Variants in NCMAP observed in about 807,000 individuals in gnomAD.
NCMAP encodes noncompact myelin-associated protein.
Under a neutral mutation model 7.8 loss-of-function variants are expected in NCMAP, and 8 were observed. The ratio of observed to expected loss-of-function variants is 1.02; its 90% confidence interval spans 0.60 to 1.84. The LOEUF is 1.84. NCMAP is among the 40% of genes most tolerant of loss of function. The probability of loss-of-function intolerance (pLI) is 0.00; values close to 1 mark genes in which losing one functional copy is unlikely to be tolerated. For missense variants in NCMAP, 112 were observed against 131.4 expected (o/e 0.85, Z 0.72); for synonymous variants, 41 against 52.9 (o/e 0.78, Z 0.98).
At chr1:24,591,650 G>A (rs934752995) in intron 1 of NCMAP, among the ~76,000 whole-genome samples, 2 of 152,222 alleles carry the variant, frequency 1.3e-5, no homozygotes, top group African/African-American at 2.4e-5. Flanking sequence ...GGTGTTGGGA[G>A]ACAGGAAGCC....
chr1:24,560,430 A>G (rs2148924204), intron 1 of NCMAP, among the ~76,000 whole-genome samples: 1 of 152,302 alleles, frequency 6.6e-6, no homozygotes, highest in East Asian at 1.9e-4. Context: ...TGAAGTTTTC[A>G]TCTGTTCCTC....
Position 24,595,416 on chromosome 1 carries a change from C to T in NCMAP, c.-7-8C>T. On this transcript the variant is annotated splice_polypyrimidine_tract_variant and splice_region_variant and intron_variant, in intron 1 of 3. Transcript: ENST00000374392. ...TTTTAAACAAAATATCTTCTTCTTT[C>T]TCATCAGGATCGAGATGACCACAGC... is the stretch of plus-strand genomic sequence containing the variant. 4 of 1,590,332 alleles carry T rather than the reference C, an allele frequency of 2.5e-6. No individual in the cohort carries two copies. Among genetic ancestry groups the T allele is most frequent in the Non-Finnish European group, 2.6e-6 (3 of 1,160,654 alleles).
chr1:24,598,917 C>T (rs1053298266), intron 2 of NCMAP, among the ~76,000 whole-genome samples: 2 of 151,170 alleles, frequency 1.3e-5, no homozygotes, highest in Non-Finnish European at 1.5e-5. Flanking sequence ...GGATTACAGG[C>T]GTGAGCCACC....
chr1:24,561,178 C>CAAAAAAAAAAAAA (rs755072214), intron 1 of NCMAP, among the ~76,000 whole-genome samples: 39 of 103,734 alleles, frequency 3.8e-4, no homozygotes, highest in African/African-American at 8.7e-4. Flanking sequence ...ACTAAAAATA[C>CAAAAAAAAAAAAA]AAAAAAAAAA....
chr1:24,561,866 T>C (rs1651062759), intron 1 of NCMAP, among the ~76,000 whole-genome samples: 1 of 149,614 alleles, frequency 6.7e-6, no homozygotes, highest in Non-Finnish European at 1.5e-5. Context: ...GCTGAGATCA[T>C]GCCACCGCAC....
At position 24,605,902 on chromosome 1, in the gene NCMAP, A is replaced by C. The variant is rs1570545561; in HGVS notation, c.*155A>C. ...TCTCTGATGCTTCCAGCAATCCTCA[A>C]CCTTGTCTGCCCTGCCCTACCCCAA... On this transcript the variant is annotated 3_prime_UTR_variant, in exon 4 of 4. Coordinates refer to ENST00000374392, the MANE Select transcript of NCMAP (RefSeq NM_001010980.5). 1 of 890,442 alleles carries C rather than the reference A, an allele frequency of 1.1e-6. No individual in the cohort carries two copies. The allele number at this position is 890,442 out of a possible 1,614,324, so 55.2% of individuals were successfully genotyped here.
chr1:24,575,188 G>T (rs1181385810), intron 1 of NCMAP, among the ~76,000 whole-genome samples: 1 of 151,846 alleles, frequency 6.6e-6, no homozygotes, highest in Non-Finnish European at 1.5e-5. Flanking sequence ...TCCAGCCTGG[G>T]CGACAGAGTG....
intron 3 of NCMAP, among the ~76,000 whole-genome samples, chr1:24,602,402 C>T (rs1021097198): frequency 2.2e-5 from 3 of 137,234 alleles, no homozygotes; most frequent in Non-Finnish European, 4.4e-5. Context: ...AACCCCGTCT[C>T]TACTAAAAAT....
intron 1 of NCMAP, among the ~76,000 whole-genome samples, chr1:24,560,035 C>T (rs546592874): frequency 2.0e-5 from 3 of 152,092 alleles, no homozygotes; most frequent in African/African-American, 4.8e-5. Flanking sequence ...GTGGCGGGCG[C>T]CTGTGGTCCC....
chr1:24,600,864 G>C lies in NCMAP; in HGVS notation c.83-76G>C, dbSNP rs1652461487. Reference sequence around the variant, plus strand: ...CTCCCTTGACCTAGTGAGGATGTCAGGTGCCACAGCAGGGCGCCCTCCTGG... The same window carrying C: ...CTCCCTTGACCTAGTGAGGATGTCACGTGCCACAGCAGGGCGCCCTCCTGG... On this transcript the variant is annotated intron_variant, in intron 2 of 3. Transcript: ENST00000374392. 2.9e-5 allele frequency: 36 copies of C among 1,235,696 alleles called. No individual in the cohort carries two copies. The South Asian group carries it at 4.1e-4, about 14-fold the overall frequency. The allele number at this position is 1,235,696 out of a possible 1,614,324, so 76.5% of individuals were successfully genotyped here.
chr1:24,575,009 T>C (rs1230201595), intron 1 of NCMAP, among the ~76,000 whole-genome samples: 3 of 151,954 alleles, frequency 2.0e-5, no homozygotes, highest in Non-Finnish European at 4.4e-5. Flanking sequence ...AGGCTGGTCT[T>C]GAACTCCTGA....
chr1:24,556,356 AG>A lies in NCMAP; in HGVS notation c.-8+190del, dbSNP rs1226754476. On this transcript the variant is annotated intron_variant, in intron 1 of 3. Transcript: ENST00000374392. ...AGGAAGTGCCTGGGGTCTGCGCGGG[AG>A]GGCGTTGGTCCGGGGTGGTGGGAGG... is the stretch of plus-strand genomic sequence containing the variant. Among the ~76,000 whole-genome samples the A allele has an allele frequency of 2.5e-5, 3 of 120,774 alleles. No individual in the cohort carries two copies. The East Asian group carries it at 7.9e-4, about 32-fold the overall frequency. The allele number at this position is 120,774 out of a possible 152,430, so 79.2% of individuals were successfully genotyped here.
chr1:24,598,787 A>T (rs919129908), intron 2 of NCMAP, among the ~76,000 whole-genome samples: 8 of 151,278 alleles, frequency 5.3e-5, no homozygotes, highest in African/African-American at 9.7e-5. Context: ...ACAGGCTTGT[A>T]CCACCAGGCC....
At chr1:24,594,506 C>T (rs564093962) in intron 1 of NCMAP, among the ~76,000 whole-genome samples, 2 of 152,192 alleles carry the variant, frequency 1.3e-5, no homozygotes, top group East Asian at 1.9e-4. Context: ...AGGATTAAAT[C>T]GATAATATAG....
Position 24,600,924 on chromosome 1 carries a change from T to G in NCMAP, c.83-16T>G. ...AGTTTGCACATTCACGGTCTCTGCT[T>G]CTCTCCTTTCTGTAGGTTCTGGAGC... is the stretch of plus-strand genomic sequence containing the variant. On this transcript the variant is annotated splice_polypyrimidine_tract_variant and intron_variant, in intron 2 of 3. Coordinates refer to ENST00000374392, the MANE Select transcript of NCMAP (RefSeq NM_001010980.5). 3 of 1,613,162 alleles carry G rather than the reference T, an allele frequency of 1.9e-6. No homozygotes were observed. Among genetic ancestry groups the G allele is most frequent in the Non-Finnish European group, 1.7e-6 (2 of 1,179,268 alleles).
intron 3 of NCMAP, among the ~76,000 whole-genome samples, chr1:24,602,478 G>C (rs1652537794): frequency 7.3e-6 from 1 of 137,450 alleles, no homozygotes; most frequent in Non-Finnish European, 1.5e-5. Flanking sequence ...GCTGAGGCAG[G>C]AGAATGGCGT....
chr1:24,575,297 C>T (rs1204248436), intron 1 of NCMAP, among the ~76,000 whole-genome samples: 5 of 151,794 alleles, frequency 3.3e-5, no homozygotes, highest in African/African-American at 7.3e-5. Flanking sequence ...TTTTTTCCCT[C>T]GGGTTGGAAA....
At chr1:24,584,095 T>G (rs1401943343) in intron 1 of NCMAP, among the ~76,000 whole-genome samples, 1 of 152,112 alleles carries the variant, frequency 6.6e-6, no homozygotes, top group Non-Finnish European at 1.5e-5. Flanking sequence ...TCCTCTGACA[T>G]ATTCACTGAG....
chr1:24,587,883 A>AT (rs1420613986), intron 1 of NCMAP, among the ~76,000 whole-genome samples: 1 of 152,150 alleles, frequency 6.6e-6, no homozygotes, highest in Non-Finnish European at 1.5e-5. Context: ...TGGAGAGATA[A>AT]TTTGCACCAA....
Sources: allele counts gnomAD v4.1 joint callset (sites outside exome capture counted in the v4.1 genomes callset), GRCh38; gene constraint gnomAD v4.1.1; transcripts MANE v1.5; gene names NCBI Gene and HGNC (gene_info 2026-07-23, HGNC 2026-07-21).